CPAMD8: variants seen among roughly 807,000 people sequenced by gnomAD.
CPAMD8 encodes the protein C3 and PZP-like alpha-2-macroglobulin domain-containing protein 8.
Under a neutral mutation model 224.7 loss-of-function variants are expected in CPAMD8, and 146 were observed. The observed-to-expected ratio is 0.65, with a 90% CI of 0.57 to 0.75. The LOEUF (loss-of-function observed/expected upper bound fraction) is 0.75. Ranked by LOEUF, CPAMD8 falls within the 30% of genes least tolerant of loss-of-function variation. The pLI, the probability that CPAMD8 is intolerant of heterozygous loss-of-function variation, is 0.00. For missense variants in CPAMD8, 2,301 were observed against 2,537.5 expected, an observed-to-expected ratio of 0.91 and a Z score of 2.00; for synonymous variants, 966 against 1,044.6, an observed-to-expected ratio of 0.92 and a Z score of 1.45.
At chr19:16,939,431 G>A (rs545071886) in intron 22 of CPAMD8, among the ~76,000 whole-genome samples, 3 of 152,026 alleles carry the variant, frequency 2.0e-5, no homozygotes, top group African/African-American at 7.2e-5. Context: ...CTAGTCTCAA[G>A]CTCCTGACCT....
At position 16,928,136 on chromosome 19, in the gene CPAMD8, C is replaced by G. The variant is rs1349009226; in HGVS notation, c.3243G>C (p.Trp1081Cys). ...AGATTCGGAATTCACCCATGGAGCC[C>G]CAGCCGGTGGAAAAGCCAATGAACT... ...EVQFIGFSTG[W>C]GSMGEFRIWR... Residue 1081 changes from tryptophan to cysteine, a missense_variant, in exon 25 of 42, where the codon TGG becomes TGC. Physicochemically the swap from Trp to Cys is radical, Grantham distance 215 (BLOSUM62 -2). Coordinates refer to ENST00000443236, the MANE Select transcript of CPAMD8 (RefSeq NM_015692.5). The G allele has an allele frequency of 6.2e-7, 1 of 1,614,128 alleles. No homozygotes were observed. The highest frequency in any genetic ancestry group is 8.5e-7 in the Non-Finnish European group (1 of 1,180,042).
chr19:16,896,142 T>C (rs1225675347), intron 41 of CPAMD8, 34 bp downstream of exon 41: 2 of 1,610,872 alleles, frequency 1.2e-6, no homozygotes, highest in Non-Finnish European at 8.5e-7. Context: ...ATTGAGCCTA[T>C]GTCTCTTATC....
chr19:16,895,785 C>T (rs1374380568), intron 41 of CPAMD8: 5 of 409,700 alleles, frequency 1.2e-5, no homozygotes, highest in Admixed American at 8.4e-5. Flanking sequence ...TGAACCTTAG[C>T]TAACTATATA....
chr19:16,952,049 T>G lies in CPAMD8; in HGVS notation c.2428A>C (p.Met810Leu), dbSNP rs372649628. 1 of 1,578,536 alleles carries G rather than the reference T, an allele frequency of 6.3e-7. No individual in the cohort carries two copies. The highest frequency in any genetic ancestry group is 1.2e-5 in the South Asian group (1 of 86,492). The change falls in exon 20 of 42, where the codon ATG (methionine) becomes CTG (leucine). Residue 810 changes from methionine to leucine, a missense_variant. Around this residue, in one of 4 missense-constraint regions of CPAMD8, gnomAD observed 1,709 missense variants for 1,753.2 expected, o/e 0.97. Transcript: ENST00000443236. ...CCACGGATGATGAGAGCGGGGAGCA[T>G]GAAGTCCACGAAGAAGGGCTTGAAG... ...KTFKPFFVDFMLPALIIRGEQ... is the reference protein window; with the variant it reads ...KTFKPFFVDFLLPALIIRGEQ...
intron 27 of CPAMD8, 75 bp from the exon 28 acceptor site, chr19:16,914,888 A>ATGGTC: frequency 8.9e-7 from 1 of 1,124,006 alleles, no homozygotes; most frequent in Non-Finnish European, 1.3e-6. Flanking sequence ...GGATTGCAGC[A>ATGGTC]AGCTCCTGGC....
At chr19:16,904,098 G>T in intron 32 of CPAMD8, 128 bp downstream of exon 32, 2 of 1,111,332 alleles carry the variant, frequency 1.8e-6, no homozygotes, top group Non-Finnish European at 2.5e-6. Context: ...CCCAACCCCT[G>T]CCCTCTTTGG....
At chr19:16,949,007 G>C (rs999413148) in intron 20 of CPAMD8, among the ~76,000 whole-genome samples, 15 of 116,564 alleles carry the variant, frequency 1.3e-4, no homozygotes, top group Admixed American at 2.2e-4. Context: ...AGAGAGAAAA[G>C]AAAAGAAAGA....
At chr19:16,923,923 T>C (rs1229268791) in intron 26 of CPAMD8, among the ~76,000 whole-genome samples, 1 of 151,212 alleles carries the variant, frequency 6.6e-6, no homozygotes, top group African/African-American at 2.4e-5. Context: ...ACCATTGCAC[T>C]CCGGCCTGGG....
At chr19:16,944,956 G>A (rs1434999248) in intron 22 of CPAMD8, among the ~76,000 whole-genome samples, 13 of 152,192 alleles carry the variant, frequency 8.5e-5, no homozygotes, top group Non-Finnish European at 1.5e-5. Flanking sequence ...AAGAAAAGAT[G>A]AGGCATGGTG....
At position 16,923,814 on chromosome 19, in the gene CPAMD8, G is replaced by A. The variant is rs188984305; in HGVS notation, c.3547+1382C>T. Among the ~76,000 whole-genome samples the A allele has an allele frequency of 8.8e-4, 134 of 152,254 alleles. 1 individual carries two copies. Among genetic ancestry groups the A allele is most frequent in the Middle Eastern group, 3.4e-3 (1 of 294 alleles). ...CCCCATCTTTACAAAGAATTGGCTG[G>A]GCATGGTGGTGCACACCTGTAGTCC... is the stretch of plus-strand genomic sequence containing the variant. On this transcript the variant is annotated intron_variant, in intron 26 of 41. Coordinates refer to ENST00000443236, the MANE Select transcript of CPAMD8 (RefSeq NM_015692.5).
chr19:16,959,806 T>C (rs1276736602), intron 18 of CPAMD8, among the ~76,000 whole-genome samples: 1 of 151,696 alleles, frequency 6.6e-6, no homozygotes, highest in Non-Finnish European at 1.5e-5. Flanking sequence ...CTCAAAGTGG[T>C]GGTATTACAG....
At chr19:16,980,068 T>TGGGG (rs1323172465) in intron 14 of CPAMD8, among the ~76,000 whole-genome samples, 1 of 152,064 alleles carries the variant, frequency 6.6e-6, no homozygotes, top group Non-Finnish European at 1.5e-5. Context: ...GTGCTCAAGT[T>TGGGG]GGGGACCCTG....
chr19:17,022,022 G>A lies in CPAMD8; in HGVS notation c.244+8C>T, dbSNP rs764257077. On this transcript the variant is annotated splice_region_variant and intron_variant, in intron 2 of 41. Transcript: ENST00000443236. The stretch of plus-strand genomic sequence containing the variant: ...GGGAAGTCCTGGTCTGGCACCCAAG[G>A]GACCTACCCAGGATGGCTCCCTGGC... 7 of 1,593,652 alleles carry A rather than the reference G, an allele frequency of 4.4e-6. No individual in the cohort carries two copies. Among genetic ancestry groups the A allele is most frequent in the Non-Finnish European group, 6.0e-6 (7 of 1,170,152 alleles).
chr19:16,944,730 A>G (rs2054013518), intron 22 of CPAMD8, among the ~76,000 whole-genome samples: 1 of 76,966 alleles, frequency 1.3e-5, no homozygotes, highest in South Asian at 2.9e-4. Flanking sequence ...TGACCTGTCC[A>G]CTGTCACCGC....
At chr19:16,936,498 G>A (rs1040627172) in intron 23 of CPAMD8, among the ~76,000 whole-genome samples, 1 of 151,980 alleles carries the variant, frequency 6.6e-6, no homozygotes, top group African/African-American at 2.4e-5. Flanking sequence ...TGCCTCCCAG[G>A]TTCAAGCTAT....
intron 20 of CPAMD8, among the ~76,000 whole-genome samples, chr19:16,949,786 C>T (rs1466910063): frequency 1.3e-5 from 2 of 152,148 alleles, no homozygotes; most frequent in Admixed American, 6.6e-5. Flanking sequence ...CTTCCCGCCC[C>T]GATGCCTGAC....
chr19:16,948,701 T>C (rs1269414496), intron 20 of CPAMD8, among the ~76,000 whole-genome samples: 2 of 147,028 alleles, frequency 1.4e-5, no homozygotes, highest in African/African-American at 5.1e-5. Context: ...ACCACTGCAC[T>C]CCAGCCTGGG....
At chr19:16,930,129 C>T (rs1018699845) in intron 23 of CPAMD8, among the ~76,000 whole-genome samples, 1 of 151,978 alleles carries the variant, frequency 6.6e-6, no homozygotes, top group Non-Finnish European at 1.5e-5. Context: ...GGGGTAGGTG[C>T]CTGTAATCCC....
chr19:17,013,784 G>A (rs2056730469), intron 3 of CPAMD8, among the ~76,000 whole-genome samples: 2 of 151,398 alleles, frequency 1.3e-5, no homozygotes, highest in Admixed American at 1.3e-4. Context: ...TTTTAGAATG[G>A]TTAGATGGCT....
Sources: gnomAD v4.1 joint callset for allele counts (sites outside exome capture counted in the v4.1 genomes callset) on GRCh38, gnomAD v4.1.1 for gene constraint, gnomAD v4.1.1 regional missense constraint, MANE v1.5 for transcripts, NCBI Gene and HGNC (gene_info 2026-07-23, HGNC 2026-07-21) for gene names.